Variants in SH3GL3 observed in about 807,000 individuals in gnomAD.
SH3GL3 encodes endophilin-A3.
In SH3GL3, 33 loss-of-function variants were observed where a neutral mutation model predicts 47.7. The observed-to-expected ratio is 0.69, with a 90% CI of 0.52 to 0.92. SH3GL3 has a LOEUF of 0.92. Among genes scored for constraint, SH3GL3 ranks in the 40% least tolerant of loss-of-function variants. The pLI is 0.00. For missense variants in SH3GL3, 363 were observed against 417.8 expected, an observed-to-expected ratio of 0.87 and a Z score of 1.14; for synonymous variants, 155 against 148.8, an observed-to-expected ratio of 1.04 and a Z score of -0.30.
At chr15:83,631,495 A>G in the SH3GL3 span, among the ~76,000 whole-genome samples, 114 of 152,286 alleles carry the variant, frequency 7.5e-4, 1 homozygote, top group Non-Finnish European at 1.1e-3. Flanking sequence ...GGGTTTCCAT[A>G]CATCCTCTGA....
At chr15:83,623,730 G>A (rs1025587885), downstream of SH3GL3, among the ~76,000 whole-genome samples, 1 of 152,188 alleles carries the variant, frequency 6.6e-6, no homozygotes, top group African/African-American at 2.4e-5. Context: ...TTATCGCTCT[G>A]GCTTCCTCTT....
At chr15:83,487,219 T>A (rs892815873) in intron 1 of SH3GL3, among the ~76,000 whole-genome samples, 7 of 132,002 alleles carry the variant, frequency 5.3e-5, no homozygotes, top group East Asian at 2.1e-4. Flanking sequence ...TTTTTTTTTT[T>A]ATCTTTCTTG....
chr15:83,505,425 A>C (rs1341090707), intron 1 of SH3GL3, among the ~76,000 whole-genome samples: 1 of 151,334 alleles, frequency 6.6e-6, no homozygotes, highest in African/African-American at 2.4e-5. Flanking sequence ...CCATCTGGTG[A>C]GTATGTAAGT....
At chr15:83,488,584 C>T (rs988287841) in intron 1 of SH3GL3, among the ~76,000 whole-genome samples, 1 of 152,124 alleles carries the variant, frequency 6.6e-6, no homozygotes, top group Non-Finnish European at 1.5e-5. Flanking sequence ...TACTTTCATG[C>T]GGGGGAAAAC....
At chr15:83,514,823 TC>T (rs1447107678) in intron 1 of SH3GL3, among the ~76,000 whole-genome samples, 2 of 152,074 alleles carry the variant, frequency 1.3e-5, no homozygotes, top group Non-Finnish European at 2.9e-5. Context: ...AGGTCAGACT[TC>T]TGCTTGTTGG....
chr15:83,532,059 C>T (rs1190357202), intron 1 of SH3GL3, among the ~76,000 whole-genome samples: 1 of 152,104 alleles, frequency 6.6e-6, no homozygotes, highest in East Asian at 1.9e-4. Flanking sequence ...TCTGAGAGTC[C>T]ATTACATTTT....
intron 1 of SH3GL3, among the ~76,000 whole-genome samples, chr15:83,470,759 A>C (rs2040794223): frequency 6.6e-6 from 1 of 151,018 alleles, no homozygotes; most frequent in South Asian, 2.1e-4. Context: ...TTAGTATTCC[A>C]TTTTGGTTTA....
chr15:83,502,782 C>T (rs1349443570), intron 1 of SH3GL3, among the ~76,000 whole-genome samples: 3 of 152,170 alleles, frequency 2.0e-5, no homozygotes, highest in African/African-American at 7.2e-5. Context: ...AGGCTGGGGG[C>T]TCAAGGTTTT....
At chr15:83,574,379 T>C (rs1032189216) in intron 5 of SH3GL3, among the ~76,000 whole-genome samples, 2 of 152,106 alleles carry the variant, frequency 1.3e-5, no homozygotes, top group African/African-American at 4.8e-5. Flanking sequence ...AGGGGAAACA[T>C]GTCCCTGTTG....
At chr15:83,468,984 A>G (rs2040711220) in intron 1 of SH3GL3, among the ~76,000 whole-genome samples, 3 of 152,144 alleles carry the variant, frequency 2.0e-5, no homozygotes, top group Middle Eastern at 3.2e-3. Context: ...GGAAATTTCA[A>G]ATTACACGTT....
intron 1 of SH3GL3, among the ~76,000 whole-genome samples, chr15:83,468,345 C>G (rs1046099285): frequency 2.0e-5 from 3 of 152,146 alleles, no homozygotes; most frequent in Admixed American, 6.5e-5. Context: ...CCTTTCCAAT[C>G]TGTAGGCTAT....
chr15:83,525,055 C>A (rs558646724), intron 1 of SH3GL3, among the ~76,000 whole-genome samples: 89 of 152,146 alleles, frequency 5.8e-4, no homozygotes, highest in Non-Finnish European at 1.0e-3. Context: ...TATGGTAGTT[C>A]TATTTTTAGT....
chr15:83,568,438 C>G, intron 3 of SH3GL3, 91 bp from the exon 4 acceptor site: 1 of 967,506 alleles, frequency 1.0e-6, no homozygotes, highest in South Asian at 1.5e-5. Flanking sequence ...TTTAAGGTGA[C>G]CTCAGTTTTG....
chr15:83,583,157 A>C (rs1045496164), intron 6 of SH3GL3, among the ~76,000 whole-genome samples: 4 of 152,126 alleles, frequency 2.6e-5, no homozygotes, highest in African/African-American at 7.2e-5. Context: ...GAAGATGTAC[A>C]CTTCTTTATT....
the SH3GL3 span, among the ~76,000 whole-genome samples, chr15:83,629,662 A>G: frequency 6.6e-6 from 1 of 152,154 alleles, no homozygotes; most frequent in Non-Finnish European, 1.5e-5. Flanking sequence ...CCTACAAAAA[A>G]GTTAAAAATT....
At chr15:83,616,072 G>GA (rs910814125) in intron 8 of SH3GL3, among the ~76,000 whole-genome samples, 12 of 150,162 alleles carry the variant, frequency 8.0e-5, no homozygotes, top group Non-Finnish European at 3.0e-5. Context: ...AACAAAATGA[G>GA]AAAAAAAAAG....
chr15:83,509,280 G>A (rs2151625957), intron 1 of SH3GL3, among the ~76,000 whole-genome samples: 1 of 152,362 alleles, frequency 6.6e-6, no homozygotes, highest in South Asian at 2.1e-4. Flanking sequence ...AGTGAGGGCA[G>A]AATCTGGGGA....
chr15:83,531,629 G>A (rs747676854), intron 1 of SH3GL3, among the ~76,000 whole-genome samples: 2 of 152,184 alleles, frequency 1.3e-5, no homozygotes, highest in Admixed American at 1.3e-4. Flanking sequence ...TTGGGGAATA[G>A]CATTATTCAA....
Position 83,568,530 on chromosome 15 carries a change from A to C in SH3GL3, c.189A>C (p.Ala63=). 6.2e-7 allele frequency: 1 copy of C among 1,612,576 alleles called. No homozygotes were observed. Among genetic ancestry groups the C allele is most frequent in the Non-Finnish European group, 8.5e-7 (1 of 1,178,726 alleles). The change falls in exon 4 of 9, where the codon GCA becomes GCC. Residue 63 remains alanine (A), a splice_region_variant and synonymous_variant. Coordinates refer to ENST00000427482, the MANE Select transcript of SH3GL3 (RefSeq NM_003027.5). Reference sequence around the variant, plus strand: ...ATTACAAATGACAATGTTTTTAAGCATACAGAGCTAAGCTAGGAATGCTGA... The same window carrying C: ...ATTACAAATGACAATGTTTTTAAGCCTACAGAGCTAAGCTAGGAATGCTGA... ...KTTEYLQPNP[A]YRAKLGMLNT... is the part of the protein sequence containing the mutation.
Sources: gnomAD v4.1 joint callset for allele counts (sites outside exome capture counted in the v4.1 genomes callset) on GRCh38, gnomAD v4.1.1 for gene constraint, MANE v1.5 for transcripts, NCBI Gene and HGNC (gene_info 2026-07-23, HGNC 2026-07-21) for gene names.